TPTE: variants seen among roughly 807,000 people sequenced by gnomAD.
TPTE encodes transmembrane phosphatase with tensin homology.
A neutral mutation model predicts 84.1 loss-of-function variants in TPTE; 59 were observed. That is an observed-to-expected ratio of 0.70 (90% CI 0.57 to 0.87). TPTE has a LOEUF of 0.87. TPTE is among the 40% of genes least tolerant of loss of function. The pLI is 0.00. For missense variants in TPTE, 382 were observed against 659.6 expected, an observed-to-expected ratio of 0.58 and a Z score of 4.61; for synonymous variants, 130 against 223.5, an observed-to-expected ratio of 0.58 and a Z score of 3.73.
intron 17 of TPTE, among the ~76,000 whole-genome samples, chr21:10,589,839 C>A (rs1193745125): frequency 6.6e-6 from 1 of 152,310 alleles, no homozygotes; most frequent in Non-Finnish European, 1.5e-5. Context: ...TTGCCATTTT[C>A]TTTCTTGAAT....
At chr21:10,567,214 T>TA (rs2074939855) in intron 10 of TPTE, among the ~76,000 whole-genome samples, 1 of 152,306 alleles carries the variant, frequency 6.6e-6, no homozygotes, top group South Asian at 2.1e-4. Context: ...TGGGGATGGT[T>TA]AATGGGTACA....
intron 9 of TPTE, 47 bp from the exon 10 acceptor site, chr21:10,560,983 C>G: frequency 1.3e-6 from 2 of 1,564,766 alleles, no homozygotes; most frequent in Non-Finnish European, 1.7e-6. Flanking sequence ...ACAAATGCCC[C>G]TTTATCTTTG....
At chr21:10,548,742 C>T (rs2074518577) in intron 7 of TPTE, among the ~76,000 whole-genome samples, 1 of 152,310 alleles carries the variant, frequency 6.6e-6, no homozygotes, top group South Asian at 2.1e-4. Flanking sequence ...GCAGACTGGC[C>T]CCAGGCCAGA....
intron 8 of TPTE, among the ~76,000 whole-genome samples, chr21:10,558,294 T>C (rs2074723011): frequency 6.6e-6 from 1 of 152,312 alleles, no homozygotes; most frequent in African/African-American, 2.4e-5. Flanking sequence ...CTCAGTCAAA[T>C]AGTTCTGCTT....
chr21:10,555,079 T>G (rs2074655680), intron 8 of TPTE, among the ~76,000 whole-genome samples: 1 of 152,312 alleles, frequency 6.6e-6, no homozygotes, highest in South Asian at 2.1e-4. Flanking sequence ...CTTGTTAGTG[T>G]CATGTAGCTT....
rs562924386 is a variant in TPTE, at chr21:10,605,565, C to G, written c.*13C>G. ...TGGATCCGATTAAGTATAGCTCCCC[C>G]TTCCCCTTCTGGGAAAGAATTATGT... On this transcript the variant is annotated 3_prime_UTR_variant, in exon 24 of 24. Coordinates refer to ENST00000618007, the MANE Select transcript of TPTE (RefSeq NM_199261.4). The G allele has an allele frequency of 1.2e-6, 2 of 1,613,596 alleles. No homozygotes were observed. Among genetic ancestry groups the G allele is most frequent in the Non-Finnish European group, 1.7e-6 (2 of 1,179,876 alleles).
At chr21:10,537,338 T>C (rs2074283861) in intron 3 of TPTE, among the ~76,000 whole-genome samples, 1 of 152,304 alleles carries the variant, frequency 6.6e-6, no homozygotes, top group South Asian at 2.1e-4. Flanking sequence ...CAAGTCTAAA[T>C]TCAAATCAGT....
intron 10 of TPTE, among the ~76,000 whole-genome samples, chr21:10,566,876 C>G (rs1477843694): frequency 6.6e-6 from 1 of 152,214 alleles, no homozygotes; most frequent in Non-Finnish European, 1.5e-5. Flanking sequence ...ACTCGTGAGG[C>G]TGAGGCAGGA....
chr21:10,570,571 A>C, intron 14 of TPTE, 22 bp downstream of exon 14: 1 of 1,613,974 alleles, frequency 6.2e-7, no homozygotes, highest in Middle Eastern at 1.7e-4. Flanking sequence ...TATCTGACAA[A>C]TACTCATTTC....
intron 3 of TPTE, among the ~76,000 whole-genome samples, chr21:10,529,929 A>G (rs2074147523): frequency 6.6e-6 from 1 of 152,280 alleles, no homozygotes; most frequent in Non-Finnish European, 1.5e-5. Context: ...TTTTTTAAAA[A>G]AAGTAGTTTT....
intron 7 of TPTE, among the ~76,000 whole-genome samples, chr21:10,550,441 A>G (rs932437061): frequency 2.0e-5 from 3 of 152,312 alleles, no homozygotes; most frequent in Admixed American, 6.5e-5. Flanking sequence ...CTATACTTGT[A>G]TCAGACAAAA....
intron 14 of TPTE, among the ~76,000 whole-genome samples, chr21:10,573,259 T>TATA (rs1396192949): frequency 6.6e-6 from 1 of 152,304 alleles, no homozygotes; most frequent in Non-Finnish European, 1.5e-5. Context: ...AAGGTCATTT[T>TATA]ATAATAATAA....
intron 5 of TPTE, among the ~76,000 whole-genome samples, chr21:10,541,641 TA>T (rs2074371494): frequency 6.6e-6 from 1 of 152,310 alleles, no homozygotes; most frequent in Non-Finnish European, 1.5e-5. Context: ...TCCACATTTT[TA>T]CATTGTTTAG....
chr21:10,563,100 A>G (rs902794448), intron 10 of TPTE, among the ~76,000 whole-genome samples: 3 of 152,310 alleles, frequency 2.0e-5, no homozygotes, highest in Non-Finnish European at 4.4e-5. Flanking sequence ...AGAGAGTGGC[A>G]TGACATATTG....
intron 17 of TPTE, among the ~76,000 whole-genome samples, chr21:10,579,857 T>C (rs561735140): frequency 6.6e-6 from 1 of 152,430 alleles, no homozygotes; most frequent in Non-Finnish European, 1.5e-5. Flanking sequence ...GCAGATTTCA[T>C]TTCCTTTGGA....
intron 17 of TPTE, among the ~76,000 whole-genome samples, chr21:10,585,185 G>A (rs1354133609): frequency 2.0e-5 from 3 of 152,022 alleles, no homozygotes; most frequent in East Asian, 1.9e-4. Flanking sequence ...AGCCAAGATC[G>A]CACCACTGCT....
chr21:10,596,930 A>G (rs796571330), intron 20 of TPTE, among the ~76,000 whole-genome samples: 3,084 of 149,972 alleles, frequency 0.021, no homozygotes, highest in African/African-American at 0.063. Flanking sequence ...TGTGATTTCT[A>G]ATGACAAATA....
chr21:10,524,958 C>T (rs1475118439), intron 2 of TPTE, among the ~76,000 whole-genome samples: 1 of 152,306 alleles, frequency 6.6e-6, no homozygotes, highest in African/African-American at 2.4e-5. Context: ...AAAAACAAAC[C>T]AAGCCTCATT....
intron 3 of TPTE, among the ~76,000 whole-genome samples, chr21:10,532,715 A>G (rs1318809409): frequency 2.0e-5 from 3 of 152,306 alleles, no homozygotes; most frequent in African/African-American, 7.2e-5. Context: ...AGTATTTAAA[A>G]TATTTCGTGA....
Sources: allele counts gnomAD v4.1 joint callset (sites outside exome capture counted in the v4.1 genomes callset), GRCh38; gene constraint gnomAD v4.1.1; transcripts MANE v1.5; gene names NCBI Gene and HGNC (gene_info 2026-07-23, HGNC 2026-07-21).